The following ALKBH4 variants were observed in gnomAD, a reference collection of about 807,000 sequenced individuals.
ALKBH4 encodes alpha-ketoglutarate-dependent dioxygenase alkB homolog 4.
A neutral mutation model predicts 12.1 loss-of-function variants in ALKBH4; 8 were observed. That is an observed-to-expected ratio of 0.66 (90% CI 0.39 to 1.19). The LOEUF is 1.19. Ranked by LOEUF, ALKBH4 falls within the 50% of genes most tolerant of loss-of-function variation. The pLI is 0.01. For synonymous variants in ALKBH4, 195 were observed against 191.6 expected (o/e 1.02, Z -0.15); for missense variants, 403 against 430.4 (o/e 0.94, Z 0.56).
Position 102,457,486 on chromosome 7 carries a change from G to C in ALKBH4, c.817C>G (p.Leu273Val). Residue 273 changes from leucine (L) to valine (V), a missense_variant, in exon 3 of 3, where the codon CTG becomes GTG. Coordinates refer to ENST00000292566, the MANE Select transcript of ALKBH4 (RefSeq NM_017621.4). This position sits in a 1 kb window ranked among gnomAD's most constrained non-coding sequence, Gnocchi z 5.9. ...CCTCCAGGGCCAAACTCAGCCGACAGCTCCCGGAAAGTGACGCAGACGCGG... is the reference window on the plus strand; with the variant it reads ...CCTCCAGGGCCAAACTCAGCCGACACCTCCCGGAAAGTGACGCAGACGCGG... ...ARRVCVTFRELSAEFGPGGRQ... is the reference protein window; with the variant it reads ...ARRVCVTFREVSAEFGPGGRQ... 1.9e-6 allele frequency: 3 copies of C among 1,613,532 alleles called. No individual in the cohort carries two copies. The highest frequency in any genetic ancestry group is 1.7e-6 in the Non-Finnish European group (2 of 1,180,036).
In ALKBH4 at chr7:102,457,580, C is replaced by T. The variant is rs1460328952; in HGVS notation, c.723G>A (p.Leu241=). The change falls in exon 3 of 3, where the codon CTG becomes CTA. Residue 241 remains leucine (L), a synonymous_variant. Transcript: ENST00000292566. This position sits in a 1 kb window ranked among gnomAD's most constrained non-coding sequence, Gnocchi z 5.9. The part of the protein sequence containing the change: ...EVAIPLPARS[L]LVLTGAARHQ... ...GCCGTGCCGCCCCGGTGAGGACCAG[C>T]AGGGAGCGGGCGGGTAAGGGGATGG... is the stretch of plus-strand genomic sequence containing the variant. 2 of 1,607,958 alleles carry T rather than the reference C, an allele frequency of 1.2e-6. No individual in the cohort carries two copies. The highest frequency in any genetic ancestry group is 2.2e-5 in the East Asian group (1 of 44,840).
rs550074156 is a variant in ALKBH4, at chr7:102,459,623, T to G, written c.302A>C (p.Gln101Pro). ...GTCTACCTGCTTCCTCCGTCCAGACTGGGAGAGCTTCCAGGGGTCACGGTC... is the reference window on the plus strand; with the variant it reads ...GTCTACCTGCTTCCTCCGTCCAGACGGGGAGAGCTTCCAGGGGTCACGGTC... ...LMDRDPWKLSQSGRRKQDYGP... is the reference protein window; with the variant it reads ...LMDRDPWKLSPSGRRKQDYGP... The change falls in exon 2 of 3, where the codon CAG becomes CCG. Residue 101 changes from glutamine (Q) to proline (P), a missense_variant. Transcript: ENST00000292566. 1 of 1,613,934 alleles carries G rather than the reference T, an allele frequency of 6.2e-7. No homozygotes were observed. The highest frequency in any genetic ancestry group is 1.3e-5 in the African/African-American group (1 of 75,038).
At chr7:102,459,515 T>C (rs919062586) in intron 2 of ALKBH4, 89 bp downstream of exon 2, 6 of 1,466,214 alleles carry the variant, frequency 4.1e-6, no homozygotes, top group Non-Finnish European at 5.5e-6. Context: ...GTTTGAGGGG[T>C]GTGGCTGCAA....
chr7:102,458,054 G>C lies in ALKBH4; in HGVS notation c.322-73C>G, dbSNP rs142164932. The C allele has an allele frequency of 1.9e-5, 27 of 1,435,038 alleles. No individual in the cohort carries two copies. The African/African-American group carries it at 3.7e-4, about 19-fold the overall frequency. 88.9% of individuals were successfully genotyped at this position (1,435,038 alleles called of 1,614,324 possible). A position where few individuals can be genotyped will look rare whatever the true frequency, so the allele number is the denominator to read the frequency against. ...ATGTCTACCACAGACTAGGTGGGAA[G>C]AATTCAGTCATAGTGACCCAGGCAA... On this transcript the variant is annotated intron_variant, in intron 2 of 2. Transcript: ENST00000292566.
chr7:102,463,072 C>T (rs1278385154), intron 1 of ALKBH4, among the ~76,000 whole-genome samples: 1 of 151,704 alleles, frequency 6.6e-6, no homozygotes, highest in African/African-American at 2.4e-5. Flanking sequence ...ACCCTCCCAC[C>T]TCAGCCTCCT....
chr7:102,460,701 C>T, intron 1 of ALKBH4, among the ~76,000 whole-genome samples: 1 of 152,152 alleles, frequency 6.6e-6, no homozygotes, highest in Non-Finnish European at 1.5e-5. Flanking sequence ...TCCAGGAGGC[C>T]CCAAACTGCC....
intron 2 of ALKBH4, among the ~76,000 whole-genome samples, chr7:102,458,362 G>A (rs547048484): frequency 2.6e-5 from 4 of 152,102 alleles, no homozygotes; most frequent in Non-Finnish European, 5.9e-5. Flanking sequence ...TTGAGCCCAG[G>A]AGTTCCAGAC....
chr7:102,457,520 G>T lies in ALKBH4; in HGVS notation c.783C>A (p.Ile261=), dbSNP rs372291952. Residue 261 remains isoleucine, a synonymous_variant, in exon 3 of 3, where the codon ATC becomes ATA. Transcript: ENST00000292566. The surrounding 1 kb of genome is among the most constrained non-coding windows in gnomAD (Gnocchi z 5.9). ...QWKHAIHRRH[I]EARRVCVTFR... ...AAGTGACGCAGACGCGGCGGGCCTC[G>T]ATGTGTCTGCGGTGGATGGCATGCT... 3.7e-5 allele frequency: 60 copies of T among 1,612,728 alleles called. No individual in the cohort carries two copies. The highest frequency in any genetic ancestry group is 5.1e-5 in the Non-Finnish European group (60 of 1,179,974).
Position 102,464,829 on chromosome 7 carries a change from G to T in ALKBH4, c.8C>A (p.Ala3Glu). MA[A>E]AAAETPEVLR... ...GACTTCGGGGGTCTCGGCGGCAGCCGCCGCCATCGCGCCGTCCGCGTGGCC... is the reference window on the plus strand; with the variant it reads ...GACTTCGGGGGTCTCGGCGGCAGCCTCCGCCATCGCGCCGTCCGCGTGGCC... Residue 3 changes from alanine (A) to glutamate (E), a missense_variant, in exon 1 of 3, where the codon GCG (alanine) becomes GAG (glutamate). Physicochemically the swap from Ala to Glu is moderately radical, Grantham distance 107. Transcript: ENST00000292566. 1 of 1,518,436 alleles carries T rather than the reference G, an allele frequency of 6.6e-7. No individual in the cohort carries two copies. The highest frequency in any genetic ancestry group is 1.4e-5 in the African/African-American group (1 of 69,574). 94.1% of individuals were successfully genotyped at this position (1,518,436 alleles called of 1,614,324 possible).
intron 2 of ALKBH4, 116 bp downstream of exon 2, chr7:102,459,488 C>T: frequency 7.5e-7 from 1 of 1,325,092 alleles, no homozygotes. Flanking sequence ...GGAACTCGCC[C>T]ACTACCAACC....
chr7:102,459,145 C>CAA (rs377478984), intron 2 of ALKBH4, among the ~76,000 whole-genome samples: 18 of 53,656 alleles, frequency 3.4e-4, no homozygotes, highest in African/African-American at 7.4e-4. Context: ...GACTCTGTCT[C>CAA]AAAAAAAAAA....
Position 102,464,791 on chromosome 7 carries a change from C to A in ALKBH4, c.46G>T (p.Gly16Cys), listed in dbSNP as rs372579394. Residue 16 changes from glycine to cysteine, a missense_variant, in exon 1 of 3, where the codon GGT becomes TGT. Gly to Cys is a radical substitution (Grantham distance 159). Coordinates refer to ENST00000292566, the MANE Select transcript of ALKBH4 (RefSeq NM_017621.4). ...AETPEVLREC[G>C]CKGIRTCLIC... ...AGACAGGTCCGGATGCCCTTGCAAC[C>A]GCATTCCCGAAGGACTTCGGGGGTC... The A allele has an allele frequency of 3.2e-6, 5 of 1,568,070 alleles. No homozygotes were observed. The highest frequency in any genetic ancestry group is 4.3e-6 in the Non-Finnish European group (5 of 1,161,582).
At position 102,456,702 on chromosome 7, in the gene ALKBH4, T is replaced by A. The variant is rs539389003; in HGVS notation, c.*692A>T. 2.6e-5 allele frequency: 4 copies of A among 152,330 alleles called. No individual in the cohort carries two copies. In the East Asian group the frequency reaches 7.7e-4, roughly 29 times the overall value. 9.4% of individuals were successfully genotyped at this position (152,330 alleles called of 1,614,324 possible). ...TGAAGCTGTTCCCAGCTCTTTAGTC[T>A]AAACTTCAAATCTTCAACCCTGTTC... On this transcript the variant is annotated 3_prime_UTR_variant, in exon 3 of 3. Transcript: ENST00000292566.
Position 102,456,350 on chromosome 7 carries a change from T to G in ALKBH4, c.*1044A>C, listed in dbSNP as rs1797645320. On this transcript the variant is annotated 3_prime_UTR_variant, in exon 3 of 3. Transcript: ENST00000292566. ...CAGCCTTGACATGGTGGTAAAGCCA[T>G]CCTCCCGCCTCAGCCTTTCGAGTAG... 6.6e-6 allele frequency: 1 copy of G among 152,456 alleles called. No homozygotes were observed. The highest frequency in any genetic ancestry group is 6.6e-5 in the Admixed American group (1 of 15,250). The allele number at this position is 152,456 out of a possible 1,614,324, so 9.4% of individuals were successfully genotyped here.
chr7:102,460,418 C>T (rs1797768547), intron 1 of ALKBH4, among the ~76,000 whole-genome samples: 1 of 151,626 alleles, frequency 6.6e-6, no homozygotes, highest in Admixed American at 6.6e-5. Context: ...CCTCTGATGG[C>T]TCATTCCTCC....
rs755629098 is a variant in ALKBH4 at position 102,457,509 on chromosome 7, C to T, written c.794G>A (p.Arg265His). The change falls in exon 3 of 3, where the codon CGC (arginine) becomes CAC (histidine). Residue 265 changes from arginine to histidine, a missense_variant. Transcript: ENST00000292566. The surrounding 1 kb of genome is among the most constrained non-coding windows in gnomAD (Gnocchi z 5.9). ...CAGCTCCCGGAAAGTGACGCAGACG[C>T]GGCGGGCCTCGATGTGTCTGCGGTG... ...AIHRRHIEAR[R>H]VCVTFRELSA... The T allele has an allele frequency of 7.4e-6, 12 of 1,613,034 alleles. No individual in the cohort carries two copies. The highest frequency in any genetic ancestry group is 4.4e-5 in the South Asian group (4 of 91,088).
intron 1 of ALKBH4, among the ~76,000 whole-genome samples, chr7:102,463,454 C>G (rs969930087): frequency 6.6e-6 from 1 of 151,392 alleles, no homozygotes; most frequent in Non-Finnish European, 1.5e-5. Flanking sequence ...CTCAGCCTCC[C>G]GAGTAGCTGG....
Position 102,457,128 on chromosome 7 carries a change from C to G in ALKBH4, c.*266G>C, listed in dbSNP as rs906314831. On this transcript the variant is annotated 3_prime_UTR_variant, in exon 3 of 3. Transcript: ENST00000292566. The surrounding 1 kb of genome is among the most constrained non-coding windows in gnomAD (Gnocchi z 5.9). ...ACAGGTGTGAGCCACTGTGCCCGGC[C>G]CCCAGTATTTTTTAAGCTCAAATGA... is the stretch of plus-strand genomic sequence containing the variant. 4.8e-6 allele frequency: 2 copies of G among 416,806 alleles called. No homozygotes were observed. Among genetic ancestry groups the G allele is most frequent in the African/African-American group, 4.1e-5 (2 of 49,364 alleles). 25.8% of individuals were successfully genotyped at this position (416,806 alleles called of 1,614,324 possible).
Position 102,458,030 on chromosome 7 carries a change from T to C in ALKBH4, c.322-49A>G. 2.6e-6 allele frequency: 4 copies of C among 1,518,986 alleles called. No individual in the cohort carries two copies. In the South Asian group the frequency reaches 3.7e-5, roughly 14 times the overall value. 94.1% of individuals were successfully genotyped at this position (1,518,986 alleles called of 1,614,324 possible). A position where few individuals can be genotyped will look rare whatever the true frequency, so the allele number is the denominator to read the frequency against. The stretch of plus-strand genomic sequence containing the variant: ...CATGAGGTGTCTGAGTTTACGAAGA[T>C]GTCTACCACAGACTAGGTGGGAAGA... On this transcript the variant is annotated intron_variant, in intron 2 of 2. Transcript: ENST00000292566.
Sources: allele counts gnomAD v4.1 joint callset (sites outside exome capture counted in the v4.1 genomes callset), GRCh38; gene constraint gnomAD v4.1.1; non-coding constraint Gnocchi (gnomAD v3.1); transcripts MANE v1.5; gene names NCBI Gene and HGNC (gene_info 2026-07-23, HGNC 2026-07-21).